The following NRG3 variants were observed in gnomAD, a reference collection of about 807,000 sequenced individuals.
NRG3 encodes the protein pro-neuregulin-3, membrane-bound isoform.
NRG3 carries 31 observed loss-of-function variants against 66.9 expected under a neutral mutation model. The observed-to-expected ratio is 0.46, with a 90% CI of 0.35 to 0.63. NRG3 has a LOEUF of 0.63. Ranked by LOEUF, NRG3 falls within the 20% of genes least tolerant of loss-of-function variation. The probability of loss-of-function intolerance (pLI) is 0.00; values close to 1 mark genes in which losing one functional copy is unlikely to be tolerated. For missense variants in NRG3, 910 were observed against 878.9 expected (o/e 1.04, Z -0.45); for synonymous variants, 393 against 359.4 (o/e 1.09, Z -1.06).
intron 2 of NRG3, among the ~76,000 whole-genome samples, chr10:82,364,789 C>G (rs1303091026): frequency 1.3e-5 from 2 of 152,182 alleles, no homozygotes; most frequent in African/African-American, 4.8e-5. Context: ...CTTGAAGATA[C>G]TTGAAGCACT....
chr10:82,730,828 C>T (rs1182460791), intron 2 of NRG3, among the ~76,000 whole-genome samples: 1 of 152,138 alleles, frequency 6.6e-6, no homozygotes, highest in East Asian at 1.9e-4. Flanking sequence ...TGCGTTCTCC[C>T]ACCATTAATA....
At chr10:82,723,073 G>A (rs1182783546) in intron 2 of NRG3, among the ~76,000 whole-genome samples, 1 of 152,076 alleles carries the variant, frequency 6.6e-6, no homozygotes, top group Admixed American at 6.5e-5. Flanking sequence ...ATCAACCTAG[G>A]TGCTGATCAA....
chr10:82,879,126 A>C (rs932486524), intron 4 of NRG3, among the ~76,000 whole-genome samples: 1 of 152,152 alleles, frequency 6.6e-6, no homozygotes, highest in Non-Finnish European at 1.5e-5. Context: ...AAATCTAACT[A>C]ATTTATGTGT....
At chr10:82,175,001 T>C (rs2072922676) in intron 1 of NRG3, among the ~76,000 whole-genome samples, 1 of 152,206 alleles carries the variant, frequency 6.6e-6, no homozygotes, top group African/African-American at 2.4e-5. Context: ...AAAAAAATTA[T>C]GGTTAATTGT....
chr10:82,883,416 A>C (rs2136074937), intron 4 of NRG3, among the ~76,000 whole-genome samples: 1 of 152,310 alleles, frequency 6.6e-6, no homozygotes, highest in East Asian at 1.9e-4. Context: ...AATGTCATGA[A>C]GTCATAGATT....
chr10:82,948,940 A>G (rs1262710725), intron 4 of NRG3, among the ~76,000 whole-genome samples: 2 of 152,262 alleles, frequency 1.3e-5, no homozygotes, highest in Admixed American at 6.5e-5. Context: ...CCTCTGGTAC[A>G]GTGTTGACCA....
chr10:82,875,117 A>G (rs553289749), intron 4 of NRG3, among the ~76,000 whole-genome samples: 1 of 152,264 alleles, frequency 6.6e-6, no homozygotes, highest in South Asian at 2.1e-4. Context: ...TATTGTATTG[A>G]AGGTTTTGTG....
At chr10:82,429,700 AT>A (rs1245723477) in intron 2 of NRG3, among the ~76,000 whole-genome samples, 1 of 151,898 alleles carries the variant, frequency 6.6e-6, no homozygotes, top group Non-Finnish European at 1.5e-5. Context: ...TTCTTTAAAT[AT>A]TTTTTCCGCT....
At position 82,654,916 on chromosome 10, in the gene NRG3, A is replaced by G. The variant is rs1168211159; in HGVS notation, c.954-83661A>G. On this transcript the variant is annotated intron_variant, in intron 2 of 8. Coordinates refer to ENST00000372141, the MANE Select transcript of NRG3 (RefSeq NM_001010848.4). ...TATACGTATCTCCCACCAAAAATATATTATTGGTACAATTTCTGAAGTTTT... is the reference window on the plus strand; with the variant it reads ...TATACGTATCTCCCACCAAAAATATGTTATTGGTACAATTTCTGAAGTTTT... Among the ~76,000 whole-genome samples the G allele has an allele frequency of 5.3e-5, 8 of 152,202 alleles. No homozygotes were observed. In the East Asian group the frequency reaches 1.5e-3, roughly 29 times the overall value.
chr10:82,666,720 A>G (rs972800068), intron 2 of NRG3, among the ~76,000 whole-genome samples: 2 of 152,304 alleles, frequency 1.3e-5, no homozygotes, highest in Non-Finnish European at 2.9e-5. Context: ...TCTGACTTCT[A>G]TCCCAATTCT....
chr10:82,783,161 T>A (rs1565310757), intron 3 of NRG3, among the ~76,000 whole-genome samples: 1 of 152,160 alleles, frequency 6.6e-6, no homozygotes, highest in Non-Finnish European at 1.5e-5. Flanking sequence ...CAACAACGCT[T>A]CATGCTAAAA....
At chr10:82,041,683 A>C (rs2063044177) in intron 1 of NRG3, among the ~76,000 whole-genome samples, 1 of 151,964 alleles carries the variant, frequency 6.6e-6, no homozygotes, top group Non-Finnish European at 1.5e-5. Context: ...TCCTGAGTAG[A>C]CCAGGAGGTG....
intron 2 of NRG3, among the ~76,000 whole-genome samples, chr10:82,602,883 G>A (rs2047720543): frequency 6.6e-6 from 1 of 152,194 alleles, no homozygotes; most frequent in African/African-American, 2.4e-5. Context: ...GGGCATAAGA[G>A]TTTGACAATG....
At chr10:81,978,003 T>C (rs1275906554) in intron 1 of NRG3, among the ~76,000 whole-genome samples, 2 of 152,214 alleles carry the variant, frequency 1.3e-5, no homozygotes, top group Non-Finnish European at 1.5e-5. Context: ...TTTCGTCATC[T>C]CAAACATTTG....
chr10:82,166,546 T>A (rs944202959), intron 1 of NRG3, among the ~76,000 whole-genome samples: 3 of 152,012 alleles, frequency 2.0e-5, no homozygotes, highest in African/African-American at 4.8e-5. Flanking sequence ...ATATTTCACT[T>A]TTGCCCATAT....
At chr10:82,093,176 T>C (rs1055732803) in intron 1 of NRG3, among the ~76,000 whole-genome samples, 5 of 152,212 alleles carry the variant, frequency 3.3e-5, no homozygotes, top group African/African-American at 1.2e-4. Context: ...TCATCCTCAT[T>C]ATTCAGATAA....
At chr10:82,300,386 A>C (rs1011828329) in intron 1 of NRG3, among the ~76,000 whole-genome samples, 1 of 152,188 alleles carries the variant, frequency 6.6e-6, no homozygotes, top group Non-Finnish European at 1.5e-5. Context: ...AAATACCCAT[A>C]ATCAAAAGTT....
intron 2 of NRG3, among the ~76,000 whole-genome samples, chr10:82,697,219 C>A (rs1234771403): frequency 2.0e-5 from 3 of 152,128 alleles, no homozygotes; most frequent in Non-Finnish European, 4.4e-5. Context: ...AAAATGACAA[C>A]ACAAACACAA....
At chr10:82,402,622 T>C (rs1375529709) in intron 2 of NRG3, among the ~76,000 whole-genome samples, 1 of 152,188 alleles carries the variant, frequency 6.6e-6, no homozygotes, top group Non-Finnish European at 1.5e-5. Flanking sequence ...CTGTGAATTG[T>C]GCAGTGAATT....
Sources: gnomAD v4.1 joint callset for allele counts (sites outside exome capture counted in the v4.1 genomes callset) on GRCh38, gnomAD v4.1.1 for gene constraint, MANE v1.5 for transcripts, NCBI Gene and HGNC (gene_info 2026-07-23, HGNC 2026-07-21) for gene names.